Variants in LPP observed in about 807,000 individuals in gnomAD.
LPP encodes the protein lipoma-preferred partner.
Under a neutral mutation model 60.4 loss-of-function variants are expected in LPP, and 38 were observed. The ratio of observed to expected loss-of-function variants is 0.63; its 90% CI spans 0.49 to 0.83. The LOEUF is 0.83. Ranked by LOEUF, LPP falls within the 40% of genes least tolerant of loss-of-function variation. The probability of loss-of-function intolerance (pLI) is 0.00; values close to 1 mark genes in which losing one functional copy is unlikely to be tolerated. For missense variants in LPP, 902 were observed against 783.6 expected (o/e 1.15, Z -1.80); for synonymous variants, 328 against 290.8 (o/e 1.13, Z -1.30).
At chr3:188,336,059 G>A (rs993197248) in intron 2 of LPP, among the ~76,000 whole-genome samples, 1 of 152,160 alleles carries the variant, frequency 6.6e-6, no homozygotes, top group African/African-American at 2.4e-5. Flanking sequence ...GGCAGTGGTG[G>A]TGGTGGCATA....
intron 4 of LPP, among the ~76,000 whole-genome samples, chr3:188,414,883 G>A (rs929907153): frequency 5.9e-5 from 9 of 152,082 alleles, no homozygotes; most frequent in African/African-American, 1.9e-4. Flanking sequence ...CCATAGACAC[G>A]TTTTGGGGGA....
At chr3:188,525,309 C>T (rs1052488342) in intron 6 of LPP, among the ~76,000 whole-genome samples, 1 of 152,066 alleles carries the variant, frequency 6.6e-6, no homozygotes, top group Non-Finnish European at 1.5e-5. Flanking sequence ...ATTTAAGTTG[C>T]CTTTTTATTT....
At chr3:188,509,196 A>T (rs1371319127) in intron 5 of LPP, among the ~76,000 whole-genome samples, 1 of 152,202 alleles carries the variant, frequency 6.6e-6, no homozygotes, top group East Asian at 1.9e-4. Flanking sequence ...ATAATCCTGT[A>T]ATCCTCTTTT....
In LPP at chr3:188,781,920, C is replaced by A. The variant is rs112592914; in HGVS notation, c.1410+21638C>A. ...AAAAAAAAAAAAAAATCTATCACCC[C>A]CCTTGATTCACTTACCTCCCACTGT... On this transcript the variant is annotated intron_variant, in intron 9 of 11. Coordinates refer to ENST00000617246, the MANE Select transcript of LPP (RefSeq NM_001375462.1). Among the ~76,000 whole-genome samples, 4 of 151,926 alleles carry A rather than the reference C, an allele frequency of 2.6e-5. No homozygotes were observed. In the South Asian group the frequency reaches 6.3e-4, roughly 24 times the overall value.
At chr3:188,811,040 A>C (rs906076164) in intron 9 of LPP, among the ~76,000 whole-genome samples, 1 of 152,114 alleles carries the variant, frequency 6.6e-6, no homozygotes, top group Non-Finnish European at 1.5e-5. Context: ...AATGGAATTC[A>C]TTAATTGTAG....
chr3:188,754,213 A>T (rs1729388841), intron 8 of LPP, among the ~76,000 whole-genome samples: 1 of 152,332 alleles, frequency 6.6e-6, no homozygotes, highest in East Asian at 1.9e-4. Context: ...AGTGCTTCCA[A>T]TTAATATAAG....
chr3:188,274,299 A>G (rs534697904), intron 2 of LPP, among the ~76,000 whole-genome samples: 1 of 152,322 alleles, frequency 6.6e-6, no homozygotes, highest in African/African-American at 2.4e-5. Flanking sequence ...GTTTCTGCAC[A>G]TGATATTTAA....
intron 4 of LPP, among the ~76,000 whole-genome samples, chr3:188,474,693 G>A (rs1442128097): frequency 6.6e-6 from 1 of 152,154 alleles, no homozygotes; most frequent in Non-Finnish European, 1.5e-5. Context: ...TTGTTTTCCT[G>A]GGATGTTGCC....
chr3:188,333,036 C>G (rs1216640818), intron 2 of LPP, among the ~76,000 whole-genome samples: 1 of 151,932 alleles, frequency 6.6e-6, no homozygotes, highest in African/African-American at 2.4e-5. Context: ...TCTGGGGCGT[C>G]ATTATTACAT....
chr3:188,247,458 G>T (rs1727384693), intron 2 of LPP, among the ~76,000 whole-genome samples: 1 of 152,098 alleles, frequency 6.6e-6, no homozygotes, highest in Non-Finnish European at 1.5e-5. Context: ...AAATTGGTTT[G>T]TAATTTTTGT....
rs151265768 is a variant in LPP at position 188,179,094 on chromosome 3, C to CAG, written c.-190+24863_-190+24864dup. The stretch of plus-strand genomic sequence containing the variant: ...AGCAAGAGAGAGGGAGGGAGAGAGA[C>CAG]AGAGAGAGAGAGAGAGAGAGAGGTT... On this transcript the variant is annotated intron_variant, in intron 1 of 11. Coordinates refer to ENST00000617246, the MANE Select transcript of LPP (RefSeq NM_001375462.1). 1,463 of 264,308 alleles carry CAG rather than the reference C, an allele frequency of 5.5e-3. 17 individuals carry two copies. The highest frequency in any genetic ancestry group is 0.012 in the South Asian group (418 of 35,964). 16.4% of individuals were successfully genotyped at this position (264,308 alleles called of 1,614,324 possible). A position where few individuals can be genotyped will look rare whatever the true frequency, so the allele number is the denominator to read the frequency against.
chr3:188,211,479 C>T (rs1347953108), intron 1 of LPP, among the ~76,000 whole-genome samples: 1 of 152,120 alleles, frequency 6.6e-6, no homozygotes, highest in Non-Finnish European at 1.5e-5. Flanking sequence ...ATTCCCATCT[C>T]GGAGCACCTC....
intron 3 of LPP, among the ~76,000 whole-genome samples, chr3:188,359,410 C>G (rs1203416944): frequency 2.0e-5 from 3 of 152,164 alleles, no homozygotes; most frequent in African/African-American, 7.2e-5. Flanking sequence ...AGAACTCTAG[C>G]TGGCTGCCCT....
rs73888971 is a variant in LPP at position 188,888,322 on chromosome 3, C to T, written c.*13843C>T. On this transcript the variant is annotated 3_prime_UTR_variant, in exon 12 of 12. Coordinates refer to ENST00000617246, the MANE Select transcript of LPP (RefSeq NM_001375462.1). Reference sequence around the variant, plus strand: ...TAGATGTGGCGTGAAGATACAGAGCCTGAGGATAGTAATTTTCCCTGAGCC... The same window carrying T: ...TAGATGTGGCGTGAAGATACAGAGCTTGAGGATAGTAATTTTCCCTGAGCC... 4.0e-3 allele frequency: 910 copies of T among 227,778 alleles called. 8 individuals carry two copies. Among genetic ancestry groups the T allele is most frequent in the African/African-American group, 0.018 (821 of 45,188 alleles). The allele number at this position is 227,778 out of a possible 1,614,324, so 14.1% of individuals were successfully genotyped here.
At position 188,880,716 on chromosome 3, in the gene LPP, A is replaced by C. The variant is rs1252458349; in HGVS notation, c.*6237A>C. 2 of 185,134 alleles carry C rather than the reference A, an allele frequency of 1.1e-5. No homozygotes were observed. Among genetic ancestry groups the C allele is most frequent in the Non-Finnish European group, 2.3e-5 (2 of 87,374 alleles). 11.5% of individuals were successfully genotyped at this position (185,134 alleles called of 1,614,324 possible). Reference sequence around the variant, plus strand: ...TTATTAAACAGCCACAATCGCATTCAGTCAACTTGGCACTGAATGTAGCTT... The same window carrying C: ...TTATTAAACAGCCACAATCGCATTCCGTCAACTTGGCACTGAATGTAGCTT... On this transcript the variant is annotated 3_prime_UTR_variant, in exon 12 of 12. Transcript: ENST00000617246.
At chr3:188,548,319 T>G (rs1827200435) in intron 6 of LPP, among the ~76,000 whole-genome samples, 1 of 152,210 alleles carries the variant, frequency 6.6e-6, no homozygotes, top group Admixed American at 6.5e-5. Flanking sequence ...CACCGTCTGA[T>G]TAAAAACATT....
chr3:188,872,163 A>C (rs1321255795), intron 10 of LPP, among the ~76,000 whole-genome samples: 1 of 152,160 alleles, frequency 6.6e-6, no homozygotes, highest in Non-Finnish European at 1.5e-5. Context: ...AGTTCCTAGA[A>C]GTCAAGGCAA....
At chr3:188,691,089 AC>A (rs538254108) in intron 7 of LPP, among the ~76,000 whole-genome samples, 3 of 152,178 alleles carry the variant, frequency 2.0e-5, no homozygotes, top group Non-Finnish European at 4.4e-5. Context: ...GTTTATCCTT[AC>A]CTTTATCATC....
At chr3:188,866,121 C>A in intron 9 of LPP, 79 bp from the exon 10 acceptor site, 1 of 1,194,538 alleles carries the variant, frequency 8.4e-7, no homozygotes. Flanking sequence ...CTGAGACAAT[C>A]TGTTTTGTAA....
Sources: allele counts gnomAD v4.1 joint callset (sites outside exome capture counted in the v4.1 genomes callset), GRCh38; gene constraint gnomAD v4.1.1; transcripts MANE v1.5; gene names NCBI Gene and HGNC (gene_info 2026-07-23, HGNC 2026-07-21).